The following SCN9A variants were observed in gnomAD, a reference collection of about 807,000 sequenced individuals.
SCN9A encodes sodium channel protein type 9 subunit alpha.
In SCN9A, 131 loss-of-function variants were observed where a neutral mutation model predicts 187.0. That is an observed-to-expected ratio of 0.70 (90% CI 0.61 to 0.81). The LOEUF is 0.81. Among genes scored for constraint, SCN9A ranks in the 30% least tolerant of loss-of-function variants. The pLI is 0.00. For synonymous variants in SCN9A, 809 were observed against 808.6 expected (o/e 1.00, Z -0.01); for missense variants, 2,252 against 2,396.6 (o/e 0.94, Z 1.26).
intron 1 of SCN9A, among the ~76,000 whole-genome samples, chr2:166,344,648 T>C (rs1699859891): frequency 6.6e-6 from 1 of 152,164 alleles, no homozygotes; most frequent in Non-Finnish European, 1.5e-5. Flanking sequence ...ATGATTTTTC[T>C]CCCCACAACA....
At chr2:166,271,623 G>A (rs565084608) in intron 17 of SCN9A, among the ~76,000 whole-genome samples, 1 of 152,148 alleles carries the variant, frequency 6.6e-6, no homozygotes, top group East Asian at 1.9e-4. Flanking sequence ...TGGGGAAAAA[G>A]TTTGAAGAAT....
At chr2:166,359,067 T>C (rs1209340716) in intron 1 of SCN9A, among the ~76,000 whole-genome samples, 1 of 152,198 alleles carries the variant, frequency 6.6e-6, no homozygotes, top group Non-Finnish European at 1.5e-5. Flanking sequence ...TATGTAACTA[T>C]GTCTATTTCT....
chr2:166,288,622 T>A lies in SCN9A; in HGVS notation c.1129A>T (p.Thr377Ser), dbSNP rs756788308. ...ACTACGACAAAGAAGATCATGTAGGTTTTGCCAGCAGCACGCAGCGTCTAG... is the reference window on the plus strand; with the variant it reads ...ACTACGACAAAGAAGATCATGTAGGATTTGCCAGCAGCACGCAGCGTCTAG... ...YQQTLRAAGK[T>S]YMIFFVVVIF... The change falls in exon 10 of 27, where the codon ACC (threonine) becomes TCC (serine). Residue 377 changes from threonine (T) to serine (S), a missense_variant. Physicochemically the swap from Thr to Ser is moderately conservative, Grantham distance 58 (BLOSUM62 1). This residue lies in a region of SCN9A where 1,013 missense variants were observed against 997.4 expected (regional missense o/e 1.02). Coordinates refer to ENST00000642356, the MANE Select transcript of SCN9A (RefSeq NM_001365536.1). The A allele has an allele frequency of 1.2e-6, 2 of 1,602,724 alleles. No individual in the cohort carries two copies. The highest frequency in any genetic ancestry group is 2.2e-5 in the South Asian group (2 of 89,030).
chr2:166,213,783 C>T (rs1014561897), intron 24 of SCN9A, among the ~76,000 whole-genome samples: 4 of 152,162 alleles, frequency 2.6e-5, no homozygotes, highest in South Asian at 2.1e-4. Context: ...CATGGACGTA[C>T]CAAGTAAACA....
chr2:166,324,179 G>C (rs1017566791), intron 1 of SCN9A, among the ~76,000 whole-genome samples: 4 of 151,750 alleles, frequency 2.6e-5, no homozygotes, highest in Non-Finnish European at 5.9e-5. Context: ...TGCAATCTCA[G>C]CTACTCAGGA....
rs576828624 is a variant in SCN9A, at chr2:166,248,251, A to G, written c.3472+3514T>C. 4.6e-5 allele frequency: 7 copies of G among 152,272 alleles called. 1 individual carries two copies. The highest frequency in any genetic ancestry group is 1.7e-4 in the African/African-American group (7 of 41,562). The allele number at this position is 152,272 out of a possible 1,614,324, so 9.4% of individuals were successfully genotyped here. ...TCTGAACTGGCATTGATTCTAGCCC[A>G]GCTCTTGTAGACCAATTACCAACTT... On this transcript the variant is annotated intron_variant, in intron 18 of 26. Transcript: ENST00000642356.
At chr2:166,201,329 A>G (rs1424482427) in intron 26 of SCN9A, among the ~76,000 whole-genome samples, 2 of 148,256 alleles carry the variant, frequency 1.3e-5, no homozygotes, top group Non-Finnish European at 3.0e-5. Flanking sequence ...TACATAGTAT[A>G]TGTATACTAT....
chr2:166,284,280 C>G (rs146812858), intron 12 of SCN9A, among the ~76,000 whole-genome samples, 173 bp downstream of exon 12: 6 of 152,164 alleles, frequency 3.9e-5, no homozygotes, highest in Admixed American at 2.6e-4. Context: ...GAGTTAGATG[C>G]CTACAACACA....
chr2:166,222,968 A>C (rs1694682348), intron 24 of SCN9A, among the ~76,000 whole-genome samples: 1 of 148,794 alleles, frequency 6.7e-6, no homozygotes, highest in African/African-American at 2.5e-5. Context: ...AAAAAAAAAA[A>C]AAAACAGCAA....
intron 1 of SCN9A, among the ~76,000 whole-genome samples, chr2:166,345,812 T>A (rs980792154): frequency 1.4e-4 from 22 of 152,162 alleles, no homozygotes; most frequent in Non-Finnish European, 3.1e-4. Flanking sequence ...CTATGCTATA[T>A]CTTTTTATTT....
chr2:166,213,752 G>A (rs1171642673), intron 24 of SCN9A, among the ~76,000 whole-genome samples: 1 of 152,068 alleles, frequency 6.6e-6, no homozygotes, highest in Admixed American at 6.5e-5. Context: ...GGAATAGGAG[G>A]TTTATGACTA....
intron 1 of SCN9A, among the ~76,000 whole-genome samples, chr2:166,371,033 A>G (rs1700548561): frequency 6.6e-6 from 1 of 152,204 alleles, no homozygotes; most frequent in South Asian, 2.1e-4. Context: ...AACACTTGAC[A>G]TAACAAGAGG....
At chr2:166,340,609 T>TTTCC (rs1699760146) in intron 1 of SCN9A, among the ~76,000 whole-genome samples, 1 of 61,704 alleles carries the variant, frequency 1.6e-5, no homozygotes, top group Non-Finnish European at 2.9e-5. Flanking sequence ...TTTCTTTTTC[T>TTTCC]TTCTTTCTTT....
intron 14 of SCN9A, among the ~76,000 whole-genome samples, chr2:166,279,962 C>G (rs1251938488): frequency 2.0e-5 from 3 of 152,098 alleles, no homozygotes. Flanking sequence ...CACTTCACTA[C>G]TATTATGTCA....
At chr2:166,234,749 A>AT (rs749132797) in intron 20 of SCN9A, among the ~76,000 whole-genome samples, 5 of 151,960 alleles carry the variant, frequency 3.3e-5, no homozygotes, top group Non-Finnish European at 5.9e-5. Context: ...TTAATCAGAA[A>AT]ATTTTTTTTT....
intron 20 of SCN9A, among the ~76,000 whole-genome samples, chr2:166,234,484 G>T (rs1695227166): frequency 6.6e-6 from 1 of 152,150 alleles, no homozygotes; most frequent in Non-Finnish European, 1.5e-5. Context: ...AAAAGTCATT[G>T]TTCACAAAAA....
At chr2:166,356,658 C>G (rs1282007561) in intron 1 of SCN9A, among the ~76,000 whole-genome samples, 1 of 152,242 alleles carries the variant, frequency 6.6e-6, no homozygotes, top group African/African-American at 2.4e-5. Context: ...GTGTATCCAT[C>G]CATGTGGTTT....
chr2:166,198,693 G>A lies in SCN9A; in HGVS notation c.5946C>T (p.Asp1982=), dbSNP rs558693461. 3 of 1,603,558 alleles carry A rather than the reference G, an allele frequency of 1.9e-6. No individual in the cohort carries two copies. Among genetic ancestry groups the A allele is most frequent in the Non-Finnish European group, 2.6e-6 (3 of 1,175,566 alleles). Residue 1982 remains aspartate (D), a synonymous_variant, in exon 27 of 27, where the codon GAC becomes GAT. Transcript: ENST00000642356. ...AGCTCTATTTTTTGCTTTCCTTGCT[G>A]TCTTTCCCTTTGTCTTCCTTTTCTG... ...DRTEKEDKGK[D]SKESKK is the part of the protein sequence containing the mutation.
intron 18 of SCN9A, among the ~76,000 whole-genome samples, chr2:166,246,913 G>T (rs567627044): frequency 1.1e-4 from 16 of 151,914 alleles, no homozygotes; most frequent in Middle Eastern, 3.4e-3. Flanking sequence ...GTGATGGAGC[G>T]CCTGTCTGGT....
Sources: allele counts gnomAD v4.1 joint callset (sites outside exome capture counted in the v4.1 genomes callset), GRCh38; gene constraint gnomAD v4.1.1; regional missense constraint gnomAD v4.1.1; transcripts MANE v1.5; gene names NCBI Gene and HGNC (gene_info 2026-07-23, HGNC 2026-07-21).